The following GRID1 variants were observed in gnomAD, a reference collection of about 807,000 sequenced individuals.
The protein encoded by GRID1 is glutamate ionotropic receptor delta type subunit 1.
GRID1 carries 28 observed loss-of-function variants against 98.0 expected under a neutral mutation model. The observed-to-expected ratio is 0.29, with a 90% CI of 0.21 to 0.39. GRID1 has a LOEUF of 0.39. Ranked by LOEUF, GRID1 falls within the 10% of genes least tolerant of loss-of-function variation. The probability of loss-of-function intolerance (pLI) is 1.00; values close to 1 mark genes in which losing one functional copy is unlikely to be tolerated. For synonymous variants in GRID1, 553 were observed against 538.5 expected, an observed-to-expected ratio of 1.03 and a Z score of -0.37; for missense variants, 1,111 against 1,340.5, an observed-to-expected ratio of 0.83 and a Z score of 2.67.
At chr10:85,714,002 C>A (rs2132639618) in intron 12 of GRID1, among the ~76,000 whole-genome samples, 1 of 151,832 alleles carries the variant, frequency 6.6e-6, no homozygotes, top group Middle Eastern at 3.4e-3. Context: ...ATGGTCAGAA[C>A]AATTAGGCAA....
chr10:85,612,676 T>C (rs1842747156), intron 15 of GRID1, among the ~76,000 whole-genome samples: 1 of 151,674 alleles, frequency 6.6e-6, no homozygotes, highest in South Asian at 2.1e-4. Flanking sequence ...ATGACACTAC[T>C]TTCCACCCTT....
At chr10:86,328,772 C>A (rs1021769840) in intron 2 of GRID1, among the ~76,000 whole-genome samples, 2 of 152,082 alleles carry the variant, frequency 1.3e-5, no homozygotes, top group African/African-American at 2.4e-5. Context: ...CCCGTTCCCC[C>A]CTCCACCCCC....
chr10:85,746,325 A>G (rs998181916), intron 8 of GRID1, among the ~76,000 whole-genome samples: 8 of 152,126 alleles, frequency 5.3e-5, no homozygotes, highest in Admixed American at 4.6e-4. Flanking sequence ...GAGGGGTGTG[A>G]ACCATTATAG....
intron 6 of GRID1, among the ~76,000 whole-genome samples, chr10:85,857,859 C>G (rs1015579267): frequency 1.3e-5 from 2 of 152,196 alleles, no homozygotes; most frequent in African/African-American, 4.8e-5. Context: ...ACCACAACAC[C>G]TCTGTGCCTT....
intron 8 of GRID1, among the ~76,000 whole-genome samples, chr10:85,797,416 T>TTTCTA (rs936952632): frequency 8.6e-5 from 13 of 151,822 alleles, no homozygotes; most frequent in African/African-American, 2.9e-4. Context: ...TCTGTACTTA[T>TTTCTA]TTTTATTTTA....
At chr10:85,923,227 C>A (rs1367769030) in intron 4 of GRID1, among the ~76,000 whole-genome samples, 1 of 152,120 alleles carries the variant, frequency 6.6e-6, no homozygotes, top group Non-Finnish European at 1.5e-5. Flanking sequence ...ACAGGAAACA[C>A]CCCATCTGGG....
intron 4 of GRID1, among the ~76,000 whole-genome samples, chr10:86,106,574 G>A (rs1844390361): frequency 6.6e-6 from 1 of 151,886 alleles, no homozygotes. Context: ...AGAGGGAGGA[G>A]CCTGCTTCAG....
intron 6 of GRID1, among the ~76,000 whole-genome samples, chr10:85,863,871 A>T (rs1843189625): frequency 1.3e-5 from 2 of 152,178 alleles, no homozygotes; most frequent in Non-Finnish European, 1.5e-5. Flanking sequence ...GGCCCAGGGA[A>T]TTGTTGTGCA....
intron 4 of GRID1, among the ~76,000 whole-genome samples, chr10:85,921,536 G>A (rs750568354): frequency 2.6e-5 from 4 of 152,184 alleles, no homozygotes; most frequent in Non-Finnish European, 5.9e-5. Flanking sequence ...CTGATCTCAC[G>A]ATTTTCATAG....
chr10:86,026,830 G>T (rs1446746585), intron 4 of GRID1, among the ~76,000 whole-genome samples: 2 of 152,160 alleles, frequency 1.3e-5, no homozygotes, highest in Non-Finnish European at 2.9e-5. Flanking sequence ...AGACGTGTGG[G>T]GTGTGAATCC....
chr10:85,893,358 C>T (rs1183352563), intron 5 of GRID1, among the ~76,000 whole-genome samples: 1 of 152,238 alleles, frequency 6.6e-6, no homozygotes. Flanking sequence ...TTCTACTCAA[C>T]ATTGTGCTGG....
chr10:86,215,757 CT>C (rs1198597500), intron 2 of GRID1, among the ~76,000 whole-genome samples: 1 of 152,196 alleles, frequency 6.6e-6, no homozygotes, highest in Non-Finnish European at 1.5e-5. Context: ...TATTCCTCCC[CT>C]ATCAGCCAAC....
At chr10:86,292,208 C>T (rs1005551704) in intron 2 of GRID1, among the ~76,000 whole-genome samples, 4 of 152,204 alleles carry the variant, frequency 2.6e-5, no homozygotes, top group Admixed American at 6.6e-5. Flanking sequence ...GCCACAAGGG[C>T]GCCACCTCTA....
chr10:85,876,762 C>G (rs1255299144), intron 5 of GRID1, among the ~76,000 whole-genome samples: 2 of 152,188 alleles, frequency 1.3e-5, no homozygotes, highest in East Asian at 1.9e-4. Context: ...GGGTGCAGGA[C>G]AGTGGATGCA....
At chr10:85,899,650 A>C (rs142166433) in intron 5 of GRID1, among the ~76,000 whole-genome samples, 67 of 152,330 alleles carry the variant, frequency 4.4e-4, no homozygotes, top group African/African-American at 1.5e-3. Context: ...GTAGGCACTC[A>C]GCAATGTGTC....
At chr10:86,156,745 G>A (rs1032646772) in intron 3 of GRID1, among the ~76,000 whole-genome samples, 1 of 152,210 alleles carries the variant, frequency 6.6e-6, no homozygotes, top group Non-Finnish European at 1.5e-5. Context: ...CAGAAGAGAC[G>A]TCTAGAACAA....
At chr10:86,231,593 G>C (rs958512312) in intron 2 of GRID1, among the ~76,000 whole-genome samples, 1 of 152,140 alleles carries the variant, frequency 6.6e-6, no homozygotes, top group Non-Finnish European at 1.5e-5. Flanking sequence ...GAGCACAGTC[G>C]GGGTCATGTT....
intron 6 of GRID1, among the ~76,000 whole-genome samples, chr10:85,867,320 T>C (rs1441920747): frequency 6.6e-6 from 1 of 152,104 alleles, no homozygotes; most frequent in African/African-American, 2.4e-5. Flanking sequence ...ACCTAGAGAA[T>C]GATTTAGGGC....
intron 3 of GRID1, among the ~76,000 whole-genome samples, chr10:86,146,024 G>C (rs1398371272): frequency 1.3e-5 from 2 of 152,168 alleles, no homozygotes; most frequent in Non-Finnish European, 2.9e-5. Flanking sequence ...AAATCAGATA[G>C]TCACTGGGTA....
Sources: gnomAD v4.1 joint callset for allele counts (sites outside exome capture counted in the v4.1 genomes callset) on GRCh38, gnomAD v4.1.1 for gene constraint, MANE v1.5 for transcripts, NCBI Gene and HGNC (gene_info 2026-07-23, HGNC 2026-07-21) for gene names.